The following RPS6KA2 variants were observed in gnomAD, a reference collection of about 807,000 sequenced individuals.
The protein encoded by RPS6KA2 is ribosomal protein S6 kinase alpha-2.
In RPS6KA2, 42 loss-of-function variants were observed where a neutral mutation model predicts 91.8. The ratio of observed to expected loss-of-function variants is 0.46; its 90% CI spans 0.36 to 0.59. RPS6KA2 has a LOEUF of 0.59. Ranked by LOEUF, RPS6KA2 falls within the 20% of genes least tolerant of loss-of-function variation. The pLI, the probability that RPS6KA2 is intolerant of heterozygous loss-of-function variation, is 0.00. For synonymous variants in RPS6KA2, 414 were observed against 393.6 expected, an observed-to-expected ratio of 1.05 and a Z score of -0.61; for missense variants, 798 against 978.5, an observed-to-expected ratio of 0.82 and a Z score of 2.46.
chr6:166,564,779 C>A (rs771807574), intron 1 of RPS6KA2, among the ~76,000 whole-genome samples: 3 of 152,192 alleles, frequency 2.0e-5, no homozygotes, highest in Non-Finnish European at 2.9e-5. Context: ...TCCCGAGCCA[C>A]GGATCAAGGT....
At chr6:166,622,907 G>C (rs1032495960) in intron 1 of RPS6KA2, among the ~76,000 whole-genome samples, 1 of 152,216 alleles carries the variant, frequency 6.6e-6, no homozygotes, top group East Asian at 1.9e-4. Flanking sequence ...AGCTCACTGA[G>C]GGCAGGGATC....
At chr6:166,439,436 C>G (rs1006324487) in intron 14 of RPS6KA2, among the ~76,000 whole-genome samples, 1 of 152,186 alleles carries the variant, frequency 6.6e-6, no homozygotes, top group Non-Finnish European at 1.5e-5. Flanking sequence ...CAACACTTAG[C>G]CTTTCACTAC....
At chr6:166,586,213 T>C (rs1238786633) in intron 1 of RPS6KA2, 1 of 1,590,652 alleles carries the variant, frequency 6.3e-7, no homozygotes, top group Non-Finnish European at 8.5e-7. Flanking sequence ...GGGTAGTTGT[T>C]ACCCCAGGAT....
At position 166,498,571 on chromosome 6, in the gene RPS6KA2, G is replaced by T. The variant is rs144324870; in HGVS notation, c.684C>A (p.Pro228=). The part of the protein sequence containing the change: ...SFCGTIEYMA[P]EVVNRRGHTQ... ...TGTGTCCTCGCCGGTTCACCACCTC[G>T]GGCGCCATGTACTCGATCGTCCCGC... Residue 228 remains proline (P), a synonymous_variant, in exon 8 of 21, where the codon CCC becomes CCA. Coordinates refer to ENST00000265678, the MANE Select transcript of RPS6KA2 (RefSeq NM_021135.6). 3 of 1,613,684 alleles carry T rather than the reference G, an allele frequency of 1.9e-6. No homozygotes were observed. In the African/African-American group the frequency reaches 4.0e-5, roughly 22 times the overall value.
Position 166,508,188 on chromosome 6 carries a change from G to A in RPS6KA2, c.459+15C>T. ...GCTCCTGCCCGCCCTCCTGTGTGAT[G>A]TGGCGGCTGCTCACCTCTTTGGAGA... On this transcript the variant is annotated intron_variant, in intron 5 of 20. Coordinates refer to ENST00000265678, the MANE Select transcript of RPS6KA2 (RefSeq NM_021135.6). This position sits in a 1 kb window ranked among gnomAD's most constrained non-coding sequence, Gnocchi z 4.3. 6.3e-7 allele frequency: 1 copy of A among 1,581,352 alleles called. No individual in the cohort carries two copies. Among genetic ancestry groups the A allele is most frequent in the East Asian group, 2.2e-5 (1 of 44,658 alleles).
At chr6:166,439,729 C>T (rs1303726805) in intron 14 of RPS6KA2, among the ~76,000 whole-genome samples, 1 of 152,156 alleles carries the variant, frequency 6.6e-6, no homozygotes, top group Non-Finnish European at 1.5e-5. Context: ...GCTTTGGGTG[C>T]ATATTTGTGT....
chr6:166,545,298 T>C (rs1431741737), intron 1 of RPS6KA2, among the ~76,000 whole-genome samples: 1 of 152,194 alleles, frequency 6.6e-6, no homozygotes, highest in Non-Finnish European at 1.5e-5. Flanking sequence ...TCCTAGAATA[T>C]CACTTTTTCT....
rs868579711 is a variant in RPS6KA2, at chr6:166,679,946, T to C, written c.124-141162A>G. On this transcript the variant is annotated intron_variant, in intron 2 of 21. Coordinates refer to the RPS6KA2 transcript ENST00000503859. The stretch of plus-strand genomic sequence containing the variant: ...TAGGTGCCGCAAAGTCCCTCGGCAG[T>C]GCCAGTGAGAGGTGAAGCCAGCTGG... Among the ~76,000 whole-genome samples, 18 of 152,224 alleles carry C rather than the reference T, an allele frequency of 1.2e-4. 1 individual carries two copies. The highest frequency in any genetic ancestry group is 9.2e-4 in the Admixed American group (14 of 15,280).
chr6:166,474,067 G>T (rs553629039), intron 10 of RPS6KA2, among the ~76,000 whole-genome samples: 1 of 151,888 alleles, frequency 6.6e-6, no homozygotes, highest in African/African-American at 2.4e-5. Context: ...TAGGGGCTCA[G>T]GCTTGAGCGG....
Position 166,527,144 on chromosome 6 carries a change from C to T in RPS6KA2, c.298+4088G>A, listed in dbSNP as rs917056641. 3.3e-5 allele frequency among the ~76,000 whole-genome samples: 5 copies of T among 152,216 alleles called. No homozygotes were observed. In the East Asian group the frequency reaches 9.6e-4, roughly 29 times the overall value. On this transcript the variant is annotated intron_variant, in intron 3 of 20. Coordinates refer to ENST00000265678, the MANE Select transcript of RPS6KA2 (RefSeq NM_021135.6). Reference sequence around the variant, plus strand: ...AGTCCAGGCTTAGCGACAACTTAAACAGGGTGCAGCTTCCCGCTCCTCCAT... The same window carrying T: ...AGTCCAGGCTTAGCGACAACTTAAATAGGGTGCAGCTTCCCGCTCCTCCAT...
At chr6:166,431,601 T>A (rs1779134005) in intron 15 of RPS6KA2, among the ~76,000 whole-genome samples, 1 of 152,128 alleles carries the variant, frequency 6.6e-6, no homozygotes, top group African/African-American at 2.4e-5. Context: ...AAAAACAATA[T>A]GCTCTGATTA....
intron 13 of RPS6KA2, among the ~76,000 whole-genome samples, chr6:166,450,379 G>A (rs1177653162): frequency 4.5e-5 from 5 of 112,178 alleles, no homozygotes; most frequent in African/African-American, 1.0e-4. Context: ...TGGGGACCAC[G>A]ACAGGGACCA....
At chr6:166,675,157 C>A (rs28513294) in intron 2 of RPS6KA2, among the ~76,000 whole-genome samples, 1 of 152,110 alleles carries the variant, frequency 6.6e-6, no homozygotes, top group Non-Finnish European at 1.5e-5. Context: ...TGCCAGCAAG[C>A]GGAGGGCACT....
At chr6:166,824,570 G>A (rs1420614228) in intron 2 of RPS6KA2, among the ~76,000 whole-genome samples, 1 of 152,010 alleles carries the variant, frequency 6.6e-6, no homozygotes, top group Non-Finnish European at 1.5e-5. Context: ...GTGTCTATGT[G>A]TGTCTGTGTC....
intron 2 of RPS6KA2, among the ~76,000 whole-genome samples, chr6:166,644,295 GT>G (rs1212471839): frequency 1.3e-5 from 2 of 152,082 alleles, no homozygotes; most frequent in Non-Finnish European, 2.9e-5. Context: ...GGGCACAGAT[GT>G]TATATTCACA....
At chr6:166,661,396 T>C (rs760118835) in intron 2 of RPS6KA2, among the ~76,000 whole-genome samples, 1 of 152,254 alleles carries the variant, frequency 6.6e-6, no homozygotes, top group Non-Finnish European at 1.5e-5. Context: ...CACCGCTGTA[T>C]GGCCAAAATC....
intron 2 of RPS6KA2, among the ~76,000 whole-genome samples, chr6:166,768,912 A>T (rs1484865468): frequency 1.3e-5 from 2 of 152,150 alleles, no homozygotes; most frequent in African/African-American, 2.4e-5. Flanking sequence ...CTGTGGCCAC[A>T]TGGCTCCGGG....
At chr6:166,633,831 G>A (rs1395313403) in intron 2 of RPS6KA2, among the ~76,000 whole-genome samples, 3 of 152,284 alleles carry the variant, frequency 2.0e-5, no homozygotes, top group Non-Finnish European at 1.5e-5. Flanking sequence ...ACGGGCTAGT[G>A]ACAAATGATC....
chr6:166,569,072 GA>G (rs372030938), intron 1 of RPS6KA2, among the ~76,000 whole-genome samples: 432 of 152,182 alleles, frequency 2.8e-3, no homozygotes, highest in African/African-American at 9.9e-3. Context: ...AGGGTATTGG[GA>G]AAAAAACAAG....
Sources: allele counts gnomAD v4.1 joint callset (sites outside exome capture counted in the v4.1 genomes callset), GRCh38; gene constraint gnomAD v4.1.1; non-coding constraint Gnocchi (gnomAD v3.1); transcripts MANE v1.5; gene names NCBI Gene and HGNC (gene_info 2026-07-23, HGNC 2026-07-21).